The following TAB2 variants were observed in gnomAD, a reference collection of about 807,000 sequenced individuals.
The protein encoded by TAB2 is TGF-beta-activated kinase 1 and MAP3K7-binding protein 2.
In TAB2, 3 loss-of-function variants were observed where a neutral mutation model predicts 65.0. The observed-to-expected ratio is 0.05, with a 90% CI of 0.02 to 0.12. TAB2 has a LOEUF of 0.12. Ranked by LOEUF, TAB2 falls within the 10% of genes least tolerant of loss-of-function variation. TAB2 has a pLI of 1.00. For missense variants in TAB2, 623 were observed against 840.3 expected (o/e 0.74, Z 3.20); for synonymous variants, 298 against 285.1 (o/e 1.05, Z -0.46).
rs903051593 is a variant in TAB2, at chr6:149,391,880, T to C, written c.1604-5724T>C. Among the ~76,000 whole-genome samples, 25 of 152,104 alleles carry C rather than the reference T, an allele frequency of 1.6e-4. 1 individual carries two copies. The highest frequency in any genetic ancestry group is 1.5e-3 in the Admixed American group (23 of 15,260). On this transcript the variant is annotated intron_variant, in intron 3 of 6. Transcript: ENST00000637181. ...CATTCTACATTTTAGGAGATTTCCT[T>C]AAATTTTTTTCCGACTCACATATGA...
intron 1 of TAB2, among the ~76,000 whole-genome samples, chr6:149,260,591 G>A (rs888272520): frequency 3.2e-4 from 48 of 152,174 alleles, no homozygotes; most frequent in Non-Finnish European, 8.8e-5. Context: ...TATGAACATC[G>A]TGTGGACTGA....
At chr6:149,218,838 T>C in intron 1 of TAB2, 1 of 452,972 alleles carries the variant, frequency 2.2e-6, no homozygotes, top group East Asian at 7.0e-5. Context: ...GTGTCTGAAG[T>C]CTGTTTGAAC....
At chr6:149,294,030 A>G (rs1057515097) in intron 1 of TAB2, among the ~76,000 whole-genome samples, 1 of 152,226 alleles carries the variant, frequency 6.6e-6, no homozygotes, top group African/African-American at 2.4e-5. Flanking sequence ...AAAAACCCTA[A>G]GAATTGCTGT....
At chr6:149,219,306 T>TTGTGTGTGTG (rs3064238) in intron 1 of TAB2, among the ~76,000 whole-genome samples, 1,916 of 146,200 alleles carry the variant, frequency 0.013, 26 homozygotes, top group South Asian at 0.041. Context: ...ATTTTAACAT[T>TTGTGTGTGTG]TGTGTGTGTG....
chr6:149,393,571 CTAA>C (rs1373379958), intron 3 of TAB2, among the ~76,000 whole-genome samples: 1 of 152,184 alleles, frequency 6.6e-6, no homozygotes, highest in Non-Finnish European at 1.5e-5. Context: ...CTGTCTCCTA[CTAA>C]TATTGGCCTT....
intron 3 of TAB2, among the ~76,000 whole-genome samples, chr6:149,382,005 G>T (rs1005878491): frequency 1.3e-5 from 2 of 152,112 alleles, no homozygotes; most frequent in African/African-American, 4.8e-5. Flanking sequence ...CATCCAGGGA[G>T]ATACTGTTAA....
At chr6:149,221,292 C>G (rs569839588) in intron 1 of TAB2, 7 of 152,266 alleles carry the variant, frequency 4.6e-5, no homozygotes, top group East Asian at 1.9e-4. Flanking sequence ...CTACTGCTTC[C>G]TAAGGGCATT....
chr6:149,296,152 T>C (rs577545381), intron 1 of TAB2, among the ~76,000 whole-genome samples: 1 of 152,364 alleles, frequency 6.6e-6, no homozygotes, highest in South Asian at 2.1e-4. Flanking sequence ...GAAGGAACTT[T>C]GCTCAAGAAA....
chr6:149,389,158 G>A (rs1015886237), intron 3 of TAB2, among the ~76,000 whole-genome samples: 4 of 151,686 alleles, frequency 2.6e-5, no homozygotes, highest in African/African-American at 4.8e-5. Flanking sequence ...GTTTCATCAC[G>A]TTGGCCAGGA....
chr6:149,305,129 GA>G (rs1240274770), intron 1 of TAB2, among the ~76,000 whole-genome samples: 1 of 151,966 alleles, frequency 6.6e-6, no homozygotes, highest in East Asian at 1.9e-4. Flanking sequence ...TGTGGATGTG[GA>G]ACCCACAGAT....
chr6:149,296,044 C>G (rs9485375), intron 1 of TAB2, among the ~76,000 whole-genome samples: 1 of 152,204 alleles, frequency 6.6e-6, no homozygotes, highest in African/African-American at 2.4e-5. Context: ...TGCTGGATTA[C>G]AGGCATAAGC....
chr6:149,250,959 A>T (rs1009782912), intron 1 of TAB2, among the ~76,000 whole-genome samples: 1 of 152,086 alleles, frequency 6.6e-6, no homozygotes, highest in South Asian at 2.1e-4. Flanking sequence ...AACCTCGCTC[A>T]CTCACGCTTA....
At chr6:149,372,861 G>A (rs1430178491) in intron 2 of TAB2, among the ~76,000 whole-genome samples, 2 of 152,166 alleles carry the variant, frequency 1.3e-5, no homozygotes, top group East Asian at 3.8e-4. Flanking sequence ...CTAAATGACA[G>A]CGTCTCTTTT....
intron 3 of TAB2, among the ~76,000 whole-genome samples, chr6:149,390,057 A>T (rs1781932270): frequency 6.6e-6 from 1 of 152,178 alleles, no homozygotes. Flanking sequence ...AATAGTTTAA[A>T]AGTTTGCTTT....
At chr6:149,226,057 A>G (rs1306328716) in intron 1 of TAB2, among the ~76,000 whole-genome samples, 3 of 151,912 alleles carry the variant, frequency 2.0e-5, no homozygotes, top group African/African-American at 7.2e-5. Flanking sequence ...GCCCCAGGAC[A>G]AAAGCGATTC....
intron 1 of TAB2, among the ~76,000 whole-genome samples, chr6:149,308,605 C>T (rs1020845862): frequency 1.3e-5 from 2 of 151,808 alleles, no homozygotes; most frequent in Admixed American, 6.6e-5. Context: ...TCAGGCTCAC[C>T]GTAACCTCCG....
chr6:149,352,699 A>G (rs1780530290), intron 1 of TAB2, among the ~76,000 whole-genome samples: 1 of 152,222 alleles, frequency 6.6e-6, no homozygotes, highest in Non-Finnish European at 1.5e-5. Flanking sequence ...GAACTGGAGT[A>G]AACTTTACTT....
At chr6:149,239,455 G>A (rs926758816) in intron 1 of TAB2, among the ~76,000 whole-genome samples, 1 of 152,162 alleles carries the variant, frequency 6.6e-6, no homozygotes, top group Non-Finnish European at 1.5e-5. Flanking sequence ...TAGAATTCAC[G>A]GTGATCAAAG....
At chr6:149,253,491 C>T (rs367985457) in intron 1 of TAB2, among the ~76,000 whole-genome samples, 16 of 151,756 alleles carry the variant, frequency 1.1e-4, no homozygotes, top group African/African-American at 2.2e-4. Flanking sequence ...ATTAGCCGGG[C>T]GTGGTGGCAC....
Sources: gnomAD v4.1 joint callset for allele counts (sites outside exome capture counted in the v4.1 genomes callset) on GRCh38, gnomAD v4.1.1 for gene constraint, MANE v1.5 for transcripts, NCBI Gene and HGNC (gene_info 2026-07-23, HGNC 2026-07-21) for gene names.